The following FBXL17 variants were observed in gnomAD, a reference collection of about 807,000 sequenced individuals.
The protein encoded by FBXL17 is F-box and leucine rich repeat protein 17.
In FBXL17, 22 loss-of-function variants were observed where a neutral mutation model predicts 66.2. The observed-to-expected ratio is 0.33, with a 90% CI of 0.24 to 0.47. FBXL17 has a LOEUF of 0.47. Among genes scored for constraint, FBXL17 ranks in the 20% least tolerant of loss-of-function variants. The pLI, the probability that FBXL17 is intolerant of heterozygous loss-of-function variation, is 1.00. For synonymous variants in FBXL17, 474 were observed against 400.5 expected, an observed-to-expected ratio of 1.18 and a Z score of -2.19; for missense variants, 878 against 948.2, an observed-to-expected ratio of 0.93 and a Z score of 0.97.
At chr5:108,126,293 A>G (rs901452251) in intron 6 of FBXL17, among the ~76,000 whole-genome samples, 1 of 152,064 alleles carries the variant, frequency 6.6e-6, no homozygotes, top group African/African-American at 2.4e-5. Flanking sequence ...ATTTTCTTAG[A>G]AACTATTTTG....
At chr5:108,023,970 T>C (rs889269734) in intron 6 of FBXL17, among the ~76,000 whole-genome samples, 1 of 152,186 alleles carries the variant, frequency 6.6e-6, no homozygotes, top group African/African-American at 2.4e-5. Context: ...AGAACATTCA[T>C]TAATCATAGT....
intron 4 of FBXL17, among the ~76,000 whole-genome samples, chr5:108,255,545 A>G (rs150247666): frequency 1.3e-5 from 2 of 152,232 alleles, no homozygotes; most frequent in East Asian, 3.9e-4. Flanking sequence ...TGGTTTATGG[A>G]AATTTAACAG....
chr5:107,900,327 C>T (rs983954769), intron 7 of FBXL17, among the ~76,000 whole-genome samples: 1 of 152,046 alleles, frequency 6.6e-6, no homozygotes, highest in Non-Finnish European at 1.5e-5. Flanking sequence ...TTACATTCAG[C>T]CAACTATTTT....
chr5:108,034,192 TA>T (rs1255930636), intron 6 of FBXL17, among the ~76,000 whole-genome samples: 1 of 152,150 alleles, frequency 6.6e-6, no homozygotes, highest in Non-Finnish European at 1.5e-5. Flanking sequence ...TCATTGCATA[TA>T]GCCCTCAATA....
chr5:107,965,927 A>G (rs1752121001), intron 7 of FBXL17, among the ~76,000 whole-genome samples: 2 of 152,188 alleles, frequency 1.3e-5, no homozygotes, highest in Non-Finnish European at 2.9e-5. Flanking sequence ...CTTAGGGAAA[A>G]AAAATCAAGA....
At chr5:108,242,208 A>G (rs1755884163) in intron 4 of FBXL17, among the ~76,000 whole-genome samples, 1 of 152,178 alleles carries the variant, frequency 6.6e-6, no homozygotes, top group African/African-American at 2.4e-5. Context: ...AATAATAACT[A>G]CAACAACTTT....
At chr5:108,137,814 A>G (rs1751199511) in intron 6 of FBXL17, among the ~76,000 whole-genome samples, 1 of 152,200 alleles carries the variant, frequency 6.6e-6, no homozygotes, top group African/African-American at 2.4e-5. Context: ...ATGTTGGGAT[A>G]AAGAGAAGCA....
intron 6 of FBXL17, among the ~76,000 whole-genome samples, chr5:108,087,373 T>C (rs952664411): frequency 6.6e-6 from 1 of 152,090 alleles, no homozygotes; most frequent in Non-Finnish European, 1.5e-5. Flanking sequence ...AGCCAGCCTA[T>C]TCCGAACAGC....
At chr5:108,199,888 T>C (rs35454148) in intron 5 of FBXL17, among the ~76,000 whole-genome samples, 46,809 of 151,956 alleles carry the variant, frequency 0.31, 7,553 homozygotes, top group South Asian at 0.42. Flanking sequence ...AAGGAGCAGC[T>C]AAGAAGACAA....
At chr5:108,336,301 T>C (rs1018126032) in intron 4 of FBXL17, among the ~76,000 whole-genome samples, 4 of 152,236 alleles carry the variant, frequency 2.6e-5, no homozygotes, top group Admixed American at 6.5e-5. Flanking sequence ...TGATGCATTT[T>C]ATTGGTACCA....
intron 6 of FBXL17, among the ~76,000 whole-genome samples, chr5:108,114,931 A>G (rs893775253): frequency 3.3e-5 from 5 of 152,202 alleles, no homozygotes; most frequent in Non-Finnish European, 5.9e-5. Flanking sequence ...TGGAATATTA[A>G]CAGAGTGTCT....
intron 6 of FBXL17, among the ~76,000 whole-genome samples, chr5:108,093,136 A>C (rs184617496): frequency 2.7e-4 from 41 of 152,260 alleles, no homozygotes; most frequent in Non-Finnish European, 4.9e-4. Flanking sequence ...GCACCCTTCC[A>C]GAGAATATAT....
intron 4 of FBXL17, among the ~76,000 whole-genome samples, chr5:108,258,480 G>C (rs536387754): frequency 3.3e-5 from 5 of 152,054 alleles, no homozygotes; most frequent in African/African-American, 1.2e-4. Context: ...AAACAGGTAC[G>C]AAAGAAGCAC....
intron 1 of FBXL17, among the ~76,000 whole-genome samples, chr5:108,372,195 T>A (rs1463836418): frequency 6.6e-6 from 1 of 152,154 alleles, no homozygotes; most frequent in African/African-American, 2.4e-5. Flanking sequence ...TCAAAATCCC[T>A]TGAACCTCTA....
intron 4 of FBXL17, among the ~76,000 whole-genome samples, chr5:108,253,783 AG>A (rs1292569410): frequency 2.6e-5 from 4 of 152,160 alleles, no homozygotes; most frequent in Non-Finnish European, 5.9e-5. Context: ...GCTTAAGCCC[AG>A]GAGTTCAAGA....
chr5:108,014,956 A>C (rs898073624), intron 7 of FBXL17, among the ~76,000 whole-genome samples: 7 of 152,150 alleles, frequency 4.6e-5, no homozygotes, highest in Non-Finnish European at 1.0e-4. Context: ...CTTATTCACT[A>C]CCGCCACAAC....
intron 4 of FBXL17, among the ~76,000 whole-genome samples, chr5:108,258,393 C>T (rs551720612): frequency 2.6e-5 from 4 of 152,124 alleles, no homozygotes; most frequent in East Asian, 1.9e-4. Flanking sequence ...CCTTAGCAGA[C>T]GAATATGAAA....
intron 4 of FBXL17, among the ~76,000 whole-genome samples, chr5:108,339,088 T>C (rs180763891): frequency 1.3e-5 from 2 of 152,258 alleles, no homozygotes; most frequent in East Asian, 3.9e-4. Context: ...CAGATTCAAC[T>C]ACAGTTTGTA....
chr5:107,922,632 T>C (rs1227140148), intron 7 of FBXL17, among the ~76,000 whole-genome samples: 7 of 152,220 alleles, frequency 4.6e-5, no homozygotes, highest in African/African-American at 1.7e-4. Context: ...CTGTAGATCA[T>C]AAATTGTTTT....
Sources: gnomAD v4.1 joint callset for allele counts (sites outside exome capture counted in the v4.1 genomes callset) on GRCh38, gnomAD v4.1.1 for gene constraint, MANE v1.5 for transcripts, NCBI Gene and HGNC (gene_info 2026-07-23, HGNC 2026-07-21) for gene names.